Variants in UBAC2 observed in about 807,000 individuals in gnomAD.
UBAC2 encodes the protein UBA domain containing 2.
UBAC2 carries 26 observed loss-of-function variants against 44.0 expected under a neutral mutation model. That is an observed-to-expected ratio of 0.59 (90% CI 0.43 to 0.82). The LOEUF is 0.82. Among genes scored for constraint, UBAC2 ranks in the 40% least tolerant of loss-of-function variants. UBAC2 has a pLI of 0.00. For missense variants in UBAC2, 329 were observed against 419.4 expected, an observed-to-expected ratio of 0.78 and a Z score of 1.88; for synonymous variants, 155 against 154.3, an observed-to-expected ratio of 1.00 and a Z score of -0.04.
At chr13:99,338,047 C>CTTTTTCTTTTTTTTT (rs2044821100) in intron 6 of UBAC2, among the ~76,000 whole-genome samples, 2 of 48,852 alleles carry the variant, frequency 4.1e-5, no homozygotes, top group African/African-American at 1.4e-4. Flanking sequence ...TTCTTTTTTT[C>CTTTTTCTTTTTTTTT]TTTTTTTTTT....
At chr13:99,373,519 C>CT (rs1309014261) in intron 8 of UBAC2, among the ~76,000 whole-genome samples, 3 of 152,178 alleles carry the variant, frequency 2.0e-5, no homozygotes, top group Admixed American at 1.3e-4. Flanking sequence ...TCTGAAAACA[C>CT]TAAGATGGAT....
At chr13:99,237,504 TAAA>T (rs2043251651) in intron 1 of UBAC2, among the ~76,000 whole-genome samples, 2 of 151,796 alleles carry the variant, frequency 1.3e-5, no homozygotes, top group Admixed American at 1.3e-4. Context: ...GAGAGGGGGA[TAAA>T]AAGAGGTTGA....
intron 4 of UBAC2, among the ~76,000 whole-genome samples, chr13:99,296,886 A>T (rs1031438220): frequency 1.3e-5 from 2 of 152,204 alleles, no homozygotes; most frequent in Non-Finnish European, 2.9e-5. Context: ...AACTCTATCA[A>T]TCTGCAAGTA....
rs58739511 is a variant in UBAC2, at chr13:99,301,300, C to G, written c.390-12797C>G. Among the ~76,000 whole-genome samples, 716 of 152,312 alleles carry G rather than the reference C, an allele frequency of 4.7e-3. 6 individuals carry two copies. The highest frequency in any genetic ancestry group is 0.016 in the African/African-American group (674 of 41,564). On this transcript the variant is annotated intron_variant, in intron 4 of 8. Coordinates refer to ENST00000403766, the MANE Select transcript of UBAC2 (RefSeq NM_001144072.2). ...CAGGGCCCTGTCGGCCTTCAAGGCT[C>G]CTGTACCTTCTGCTGGGAGCCACCC... is the stretch of plus-strand genomic sequence containing the variant.
intron 4 of UBAC2, chr13:99,294,454 G>T (rs2044137034): frequency 6.6e-6 from 1 of 152,256 alleles, no homozygotes; most frequent in Non-Finnish European, 1.5e-5. Context: ...TTATAATGTT[G>T]CAGTTCAAAG....
At chr13:99,322,154 G>T (rs2044576348) in intron 6 of UBAC2, among the ~76,000 whole-genome samples, 1 of 152,188 alleles carries the variant, frequency 6.6e-6, no homozygotes, top group Non-Finnish European at 1.5e-5. Context: ...TTCAGTGACC[G>T]TATCAACTGT....
intron 4 of UBAC2, chr13:99,256,634 T>A (rs2043563790): frequency 6.6e-6 from 1 of 151,594 alleles, no homozygotes; most frequent in Non-Finnish European, 1.5e-5. Context: ...AAAAGGAGTA[T>A]CTAAGACAAG....
intron 4 of UBAC2, among the ~76,000 whole-genome samples, chr13:99,256,976 G>C (rs1235732922): frequency 6.6e-6 from 1 of 152,202 alleles, no homozygotes; most frequent in African/African-American, 2.4e-5. Context: ...AACTATGGGG[G>C]AGATTTGCTG....
At chr13:99,304,574 A>G (rs2044304047) in intron 4 of UBAC2, among the ~76,000 whole-genome samples, 1 of 152,212 alleles carries the variant, frequency 6.6e-6, no homozygotes, top group Non-Finnish European at 1.5e-5. Flanking sequence ...ATCCTTAATG[A>G]AAGGTTCTTT....
chr13:99,370,968 A>G (rs771414193), intron 8 of UBAC2, among the ~76,000 whole-genome samples: 5 of 152,252 alleles, frequency 3.3e-5, no homozygotes, highest in Non-Finnish European at 7.3e-5. Flanking sequence ...GTTCAGCTGA[A>G]AAGAAATATC....
intron 7 of UBAC2, among the ~76,000 whole-genome samples, chr13:99,367,547 A>G (rs1822598437): frequency 6.6e-6 from 1 of 152,174 alleles, no homozygotes; most frequent in Admixed American, 6.5e-5. Context: ...GTGCACAAAG[A>G]GCTTTTACAC....
chr13:99,298,159 GAA>G (rs1383478367), intron 4 of UBAC2, among the ~76,000 whole-genome samples: 1 of 152,122 alleles, frequency 6.6e-6, no homozygotes, highest in African/African-American at 2.4e-5. Flanking sequence ...GTGCTAGATA[GAA>G]AAGAGATTAA....
intron 4 of UBAC2, among the ~76,000 whole-genome samples, chr13:99,285,972 A>G (rs577843608): frequency 5.3e-5 from 8 of 152,170 alleles, no homozygotes; most frequent in Non-Finnish European, 1.0e-4. Context: ...AAGTGGTTTG[A>G]CCTTGGAGCT....
At chr13:99,223,542 GTTTTTTTTTTTTT>G (rs145143990) in intron 1 of UBAC2, among the ~76,000 whole-genome samples, 2 of 62,446 alleles carry the variant, frequency 3.2e-5, no homozygotes, top group Non-Finnish European at 5.5e-5. Flanking sequence ...CTCTTTTTCT[GTTTTTTTTTTTTT>G]TTTTTTTTTT....
chr13:99,363,011 CA>C (rs2045285996), intron 7 of UBAC2, among the ~76,000 whole-genome samples: 2 of 145,706 alleles, frequency 1.4e-5, no homozygotes, highest in African/African-American at 2.4e-5. Context: ...AAAATTTTCA[CA>C]GTTTGGCTTT....
chr13:99,280,333 C>T (rs956389139), intron 4 of UBAC2, among the ~76,000 whole-genome samples: 13 of 152,218 alleles, frequency 8.5e-5, no homozygotes, highest in African/African-American at 2.2e-4. Flanking sequence ...CTGCCTGTCA[C>T]GCATACATCA....
At chr13:99,287,044 A>G (rs764764889) in intron 4 of UBAC2, among the ~76,000 whole-genome samples, 18 of 152,188 alleles carry the variant, frequency 1.2e-4, no homozygotes, top group South Asian at 6.2e-4. Flanking sequence ...ATATACATAA[A>G]TACAGAGAGA....
chr13:99,234,485 C>A, intron 1 of UBAC2: 2 of 161,114 alleles, frequency 1.2e-5, no homozygotes, highest in South Asian at 1.3e-4. Context: ...CCACTGCGCC[C>A]TGCCTGTGCT....
At chr13:99,280,992 C>T (rs566536641) in intron 4 of UBAC2, among the ~76,000 whole-genome samples, 1 of 152,060 alleles carries the variant, frequency 6.6e-6, no homozygotes, top group African/African-American at 2.4e-5. Flanking sequence ...TTGAGACCAG[C>T]GTGGCCAACA....
Sources: allele counts gnomAD v4.1 joint callset (sites outside exome capture counted in the v4.1 genomes callset), GRCh38; gene constraint gnomAD v4.1.1; transcripts MANE v1.5; gene names NCBI Gene and HGNC (gene_info 2026-07-23, HGNC 2026-07-21).